Variants in ZNF385B observed in about 807,000 individuals in gnomAD.
The protein encoded by ZNF385B is zinc finger protein 385B, also known as zinc finger protein 533.
ZNF385B carries 23 observed loss-of-function variants against 39.2 expected under a neutral mutation model. That is an observed-to-expected ratio of 0.59 (90% CI 0.42 to 0.83). The LOEUF (loss-of-function observed/expected upper bound fraction) is 0.83, where lower values mean the gene tolerates loss of function less well. Among genes scored for constraint, ZNF385B ranks in the 40% least tolerant of loss-of-function variants. The pLI, the probability that ZNF385B is intolerant of heterozygous loss-of-function variation, is 0.00. For synonymous variants in ZNF385B, 205 were observed against 222.6 expected (o/e 0.92, Z 0.70); for missense variants, 552 against 598.9 (o/e 0.92, Z 0.82).
intron 1 of ZNF385B, chr2:179,860,725 C>A (rs1221142603): frequency 2.4e-6 from 1 of 423,164 alleles, no homozygotes; most frequent in East Asian, 8.8e-5. Context: ...AAACTTCCAG[C>A]CCAGGTGACG....
At chr2:179,702,862 G>C (rs1699313819) in intron 3 of ZNF385B, among the ~76,000 whole-genome samples, 1 of 152,116 alleles carries the variant, frequency 6.6e-6, no homozygotes, top group African/African-American at 2.4e-5. Flanking sequence ...GGTGTTATCT[G>C]TGATTCTGCT....
chr2:179,611,761 G>T (rs2106134597), intron 3 of ZNF385B, among the ~76,000 whole-genome samples: 1 of 152,280 alleles, frequency 6.6e-6, no homozygotes, highest in South Asian at 2.1e-4. Flanking sequence ...TTGGTAGGTT[G>T]TATGTGTCTA....
At chr2:179,846,047 T>C (rs992165040) in intron 1 of ZNF385B, among the ~76,000 whole-genome samples, 2 of 152,220 alleles carry the variant, frequency 1.3e-5, no homozygotes, top group Non-Finnish European at 2.9e-5. Flanking sequence ...TACATACTTT[T>C]GGTTGGCTAT....
chr2:179,691,478 C>A (rs1207129834), intron 3 of ZNF385B, among the ~76,000 whole-genome samples: 1 of 152,136 alleles, frequency 6.6e-6, no homozygotes, highest in Non-Finnish European at 1.5e-5. Flanking sequence ...TAAATATTTA[C>A]CAAATGCTAT....
chr2:179,705,272 T>A (rs959711980), intron 3 of ZNF385B, among the ~76,000 whole-genome samples: 1 of 152,168 alleles, frequency 6.6e-6, no homozygotes, highest in Non-Finnish European at 1.5e-5. Flanking sequence ...GCTCCTCAAT[T>A]ATACCTTAGG....
intron 1 of ZNF385B, among the ~76,000 whole-genome samples, chr2:179,835,763 TG>T (rs1186258999): frequency 2.0e-5 from 3 of 152,200 alleles, no homozygotes; most frequent in Non-Finnish European, 4.4e-5. Context: ...CTTCATATCA[TG>T]TGGGTCCTGG....
intron 3 of ZNF385B, among the ~76,000 whole-genome samples, chr2:179,721,308 G>A (rs1287570941): frequency 1.3e-5 from 2 of 151,998 alleles, no homozygotes; most frequent in African/African-American, 4.8e-5. Flanking sequence ...ACATTCTGAG[G>A]AAAATACAAC....
Position 179,574,682 on chromosome 2 carries a change from T to C in ZNF385B, c.299-29713A>G, listed in dbSNP as rs189182911. On this transcript the variant is annotated intron_variant, in intron 3 of 9. Transcript: ENST00000410066. ...GGAAGTTAATCTGAAGTCATACTTG[T>C]ACATTGAAGAAATTATATTCTTCAC... Among the ~76,000 whole-genome samples the C allele has an allele frequency of 1.6e-4, 24 of 152,312 alleles. No homozygotes were observed. The East Asian group carries it at 4.6e-3, about 29-fold the overall frequency.
chr2:179,841,413 T>C (rs911741748), intron 1 of ZNF385B, among the ~76,000 whole-genome samples: 3 of 152,202 alleles, frequency 2.0e-5, no homozygotes, highest in African/African-American at 7.2e-5. Context: ...GATGGTTTGG[T>C]GGGATCTAAG....
intron 5 of ZNF385B, among the ~76,000 whole-genome samples, chr2:179,484,239 G>A (rs1208777761): frequency 1.3e-5 from 2 of 151,508 alleles, no homozygotes; most frequent in Non-Finnish European, 2.9e-5. Context: ...ATTTTCCTCT[G>A]CCTAAACAAC....
intron 3 of ZNF385B, among the ~76,000 whole-genome samples, chr2:179,585,225 A>G (rs1293807993): frequency 6.6e-6 from 1 of 152,210 alleles, no homozygotes; most frequent in South Asian, 2.1e-4. Context: ...TGCCCAGAGT[A>G]AAAAAGGAAA....
intron 3 of ZNF385B, among the ~76,000 whole-genome samples, chr2:179,695,189 C>T (rs1357919905): frequency 6.6e-6 from 1 of 152,106 alleles, no homozygotes; most frequent in Non-Finnish European, 1.5e-5. Context: ...ATGATATCAT[C>T]ATAGATCAGG....
chr2:179,696,919 G>T (rs1023152327), intron 3 of ZNF385B, among the ~76,000 whole-genome samples: 1 of 152,118 alleles, frequency 6.6e-6, no homozygotes, highest in Non-Finnish European at 1.5e-5. Context: ...GACAACAATA[G>T]TCGAACCACA....
chr2:179,469,744 C>T (rs895837177), intron 6 of ZNF385B, among the ~76,000 whole-genome samples: 5 of 152,262 alleles, frequency 3.3e-5, no homozygotes, highest in African/African-American at 7.2e-5. Flanking sequence ...TGAGGCCCAA[C>T]TTAGGAAGGG....
chr2:179,722,866 T>A (rs960557041), intron 3 of ZNF385B, among the ~76,000 whole-genome samples: 4 of 152,160 alleles, frequency 2.6e-5, no homozygotes, highest in Non-Finnish European at 5.9e-5. Flanking sequence ...ATAATTTTTT[T>A]AAATTAGTGA....
In ZNF385B at chr2:179,478,137, A is replaced by T. The variant is rs76473875; in HGVS notation, c.715+5135T>A. Among the ~76,000 whole-genome samples, 50 of 152,346 alleles carry T rather than the reference A, an allele frequency of 3.3e-4. 1 individual carries two copies. The East Asian group carries it at 8.9e-3, about 27-fold the overall frequency. ...TGGGATTTGAGTTGTGCAACCTGAC[A>T]TAAACCACCTAACCTTCCCATAACC... On this transcript the variant is annotated intron_variant, in intron 6 of 9. Transcript: ENST00000410066.
Position 179,547,666 on chromosome 2 carries a change from T to C in ZNF385B, c.299-2697A>G, listed in dbSNP as rs1045554686. ...AGGTAATGTGATTCCTCCAGTTTTG[T>C]TCTTTTTGTTTAGAATAGCTTTGGC... On this transcript the variant is annotated intron_variant, in intron 3 of 9. Transcript: ENST00000410066. 8.0e-5 allele frequency among the ~76,000 whole-genome samples: 12 copies of C among 149,626 alleles called. 1 individual carries two copies.
rs71029824 is a variant in ZNF385B, at chr2:179,639,249, A to AAAAAAGG, written c.299-94281_299-94280insCCTTTTT. Among the ~76,000 whole-genome samples, 277 of 128,568 alleles carry AAAAAAGG rather than the reference A, an allele frequency of 2.2e-3. 7 individuals are homozygous for AAAAAAGG. Among genetic ancestry groups the AAAAAAGG allele is most frequent in the Non-Finnish European group, 2.6e-3 (159 of 61,552 alleles). 84.3% of individuals were successfully genotyped at this position (128,568 alleles called of 152,430 possible). On this transcript the variant is annotated intron_variant, in intron 3 of 9. Transcript: ENST00000410066. Reference sequence around the variant, plus strand: ...CTCAAAAAAAAAAAAAAAAAAAAAAAGGGGGAGAAAGAAAAGAAAAAAATG... The same window carrying AAAAAAGG: ...CTCAAAAAAAAAAAAAAAAAAAAAAAAAAAAGGGGGGGAGAAAGAAAAGAAAAAAATG...
chr2:179,535,345 G>C (rs535452243), intron 4 of ZNF385B, among the ~76,000 whole-genome samples: 2 of 152,076 alleles, frequency 1.3e-5, no homozygotes, highest in South Asian at 4.2e-4. Flanking sequence ...GGAATTATTG[G>C]GTACTTAAAA....
Sources: gnomAD v4.1 joint callset for allele counts (sites outside exome capture counted in the v4.1 genomes callset) on GRCh38, gnomAD v4.1.1 for gene constraint, MANE v1.5 for transcripts, NCBI Gene and HGNC (gene_info 2026-07-23, HGNC 2026-07-21) for gene names.